SGK1: variants seen among roughly 807,000 people sequenced by gnomAD.
The protein encoded by SGK1 is serum/glucocorticoid regulated kinase 1.
A neutral mutation model predicts 64.2 loss-of-function variants in SGK1; 26 were observed. The observed-to-expected ratio is 0.40, with a 90% CI of 0.30 to 0.56. The LOEUF (loss-of-function observed/expected upper bound fraction) is 0.56. Ranked by LOEUF, SGK1 falls within the 20% of genes least tolerant of loss-of-function variation. The probability of loss-of-function intolerance (pLI) is 0.38; values close to 1 mark genes in which losing one functional copy is unlikely to be tolerated. For synonymous variants in SGK1, 265 were observed against 239.7 expected (o/e 1.11, Z -0.98); for missense variants, 519 against 645.6 (o/e 0.80, Z 2.12).
chr6:134,285,593 T>C (rs1369593845), intron 1 of SGK1, among the ~76,000 whole-genome samples: 1 of 151,908 alleles, frequency 6.6e-6, no homozygotes, highest in Non-Finnish European at 1.5e-5. Flanking sequence ...TGGTATCTAA[T>C]TGTGGTTTTA....
At chr6:134,189,458 C>T (rs1775475119) in intron 3 of SGK1, among the ~76,000 whole-genome samples, 1 of 152,076 alleles carries the variant, frequency 6.6e-6, no homozygotes, top group African/African-American at 2.4e-5. Context: ...ACTACATAAA[C>T]ATGGTTACTT....
chr6:134,191,750 C>A (rs1342847903), intron 3 of SGK1, among the ~76,000 whole-genome samples: 1 of 151,106 alleles, frequency 6.6e-6, no homozygotes, highest in African/African-American at 2.4e-5. Context: ...CTCACTGCAA[C>A]CTCTGCCTCC....
At chr6:134,313,904 G>T (rs1309448656) in intron 1 of SGK1, among the ~76,000 whole-genome samples, 1 of 152,128 alleles carries the variant, frequency 6.6e-6, no homozygotes, top group Non-Finnish European at 1.5e-5. Flanking sequence ...CCATGAAAAT[G>T]GATTACCTTT....
rs141130901 is a variant in SGK1 at position 134,316,743 on chromosome 6, C to CAAAA, written c.69+645_69+648dup. Among the ~76,000 whole-genome samples, 18 of 39,332 alleles carry CAAAA rather than the reference C, an allele frequency of 4.6e-4. 1 individual carries two copies. Among genetic ancestry groups the CAAAA allele is most frequent in the Non-Finnish European group, 7.0e-4 (16 of 22,726 alleles). The allele number at this position is 39,332 out of a possible 152,430, so 25.8% of individuals were successfully genotyped here. A position where few individuals can be genotyped will look rare whatever the true frequency, so the allele number is the denominator to read the frequency against. On this transcript the variant is annotated intron_variant, in intron 1 of 13. Transcript: ENST00000367858. The stretch of plus-strand genomic sequence containing the variant: ...ATACAGACCTCCCACTGCTCTCTCC[C>CAAAA]AAAAAAAAAAAAAAAAAAAAAAAAA...
At chr6:134,266,341 G>C (rs1451523708) in intron 1 of SGK1, among the ~76,000 whole-genome samples, 1 of 152,046 alleles carries the variant, frequency 6.6e-6, no homozygotes, top group Admixed American at 6.6e-5. Flanking sequence ...GGTTGTGGTG[G>C]CTCACACCTG....
chr6:134,243,991 A>C (rs1454182670), intron 2 of SGK1, among the ~76,000 whole-genome samples: 1 of 152,066 alleles, frequency 6.6e-6, no homozygotes, highest in Non-Finnish European at 1.5e-5. Flanking sequence ...TATTTTTAAA[A>C]TTATACTTCA....
At chr6:134,239,053 G>C (rs1374874454) in intron 2 of SGK1, among the ~76,000 whole-genome samples, 4 of 152,214 alleles carry the variant, frequency 2.6e-5, no homozygotes, top group African/African-American at 9.6e-5. Flanking sequence ...TTTCAGAACA[G>C]TCTAACAGCT....
intron 1 of SGK1, among the ~76,000 whole-genome samples, chr6:134,279,362 T>C (rs1041184610): frequency 2.6e-5 from 4 of 151,522 alleles, no homozygotes; most frequent in Non-Finnish European, 4.4e-5. Flanking sequence ...ACCCGGGAGG[T>C]AGAGATTGCA....
At chr6:134,270,770 G>A (rs1163672363) in intron 1 of SGK1, among the ~76,000 whole-genome samples, 1 of 148,028 alleles carries the variant, frequency 6.8e-6, no homozygotes, top group Non-Finnish European at 1.5e-5. Context: ...ATGCGTCCAT[G>A]TACCCTATTT....
intron 2 of SGK1, among the ~76,000 whole-genome samples, chr6:134,220,834 T>C (rs537196306): frequency 1.1e-3 from 123 of 112,362 alleles, no homozygotes; most frequent in Middle Eastern, 3.8e-3. Context: ...ATACAAAAAT[T>C]AGTCAGGCAT....
intron 2 of SGK1, among the ~76,000 whole-genome samples, chr6:134,253,468 C>T (rs749395476): frequency 2.0e-5 from 3 of 151,746 alleles, no homozygotes; most frequent in African/African-American, 4.8e-5. Flanking sequence ...TGAGCAACAG[C>T]GAGACCTTGT....
chr6:134,226,356 G>GT (rs142221226), intron 2 of SGK1, among the ~76,000 whole-genome samples: 24,935 of 150,640 alleles, frequency 0.17, 2,409 homozygotes, highest in East Asian at 0.24. Flanking sequence ...CCAAAAAGGT[G>GT]TTTTTTTTTC....
Position 134,269,524 on chromosome 6 carries a change from G to T in SGK1, c.70-7376C>A, listed in dbSNP as rs577024403. Among the ~76,000 whole-genome samples the T allele has an allele frequency of 3.3e-4, 48 of 147,144 alleles. 4 individuals are homozygous for T. The South Asian group carries it at 0.011, about 33-fold the overall frequency. On this transcript the variant is annotated intron_variant, in intron 1 of 13. Coordinates refer to ENST00000367858, the MANE Select transcript of SGK1 (RefSeq NM_001143676.3). Reference sequence around the variant, plus strand: ...AAACACAAAAATTAGCCACCATGGTGGCGTCCACCTGTAATCCCAGCTACT... The same window carrying T: ...AAACACAAAAATTAGCCACCATGGTTGCGTCCACCTGTAATCCCAGCTACT...
At chr6:134,234,694 T>C (rs565735545) in intron 2 of SGK1, among the ~76,000 whole-genome samples, 2 of 152,186 alleles carry the variant, frequency 1.3e-5, no homozygotes, top group Non-Finnish European at 2.9e-5. Flanking sequence ...CTGGCCAACA[T>C]GGTGAAACCC....
chr6:134,209,997 G>A (rs1462639965), intron 2 of SGK1, among the ~76,000 whole-genome samples: 1 of 152,094 alleles, frequency 6.6e-6, no homozygotes, highest in Non-Finnish European at 1.5e-5. Context: ...TATTGACGAA[G>A]GAAGCAGTGC....
At chr6:134,206,234 C>T (rs1775766057) in intron 3 of SGK1, among the ~76,000 whole-genome samples, 1 of 150,784 alleles carries the variant, frequency 6.6e-6, no homozygotes, top group Admixed American at 6.7e-5. Context: ...CATGTGTTTG[C>T]CCACTTTATT....
intron 3 of SGK1, among the ~76,000 whole-genome samples, chr6:134,176,987 G>C (rs766933877): frequency 6.6e-6 from 1 of 152,210 alleles, no homozygotes; most frequent in Non-Finnish European, 1.5e-5. Context: ...AGGCCAAGGC[G>C]GGCGGATCAC....
chr6:134,248,705 G>A (rs940331618), intron 2 of SGK1, among the ~76,000 whole-genome samples: 1 of 152,000 alleles, frequency 6.6e-6, no homozygotes, highest in Admixed American at 6.6e-5. Context: ...TACAGGTTTT[G>A]TCTCCTCATA....
intron 2 of SGK1, among the ~76,000 whole-genome samples, chr6:134,237,238 G>A (rs1414607371): frequency 1.3e-5 from 2 of 151,540 alleles, no homozygotes; most frequent in Non-Finnish European, 2.9e-5. Context: ...TGCATTTTTG[G>A]TAGAGACAGG....
Sources: gnomAD v4.1 joint callset for allele counts (sites outside exome capture counted in the v4.1 genomes callset) on GRCh38, gnomAD v4.1.1 for gene constraint, MANE v1.5 for transcripts, NCBI Gene and HGNC (gene_info 2026-07-23, HGNC 2026-07-21) for gene names.